The following SDK1 variants were observed in gnomAD, a reference collection of about 807,000 sequenced individuals.
The protein encoded by SDK1 is sidekick cell adhesion molecule 1.
A neutral mutation model predicts 245.5 loss-of-function variants in SDK1; 157 were observed. That is an observed-to-expected ratio of 0.64 (90% CI 0.56 to 0.73). The LOEUF is 0.73. Among genes scored for constraint, SDK1 ranks in the 30% least tolerant of loss-of-function variants. The pLI, the probability that SDK1 is intolerant of heterozygous loss-of-function variation, is 0.00. For synonymous variants in SDK1, 1,647 were observed against 1,278.5 expected (o/e 1.29, Z -6.15); for missense variants, 3,583 against 3,002.3 (o/e 1.19, Z -4.52).
chr7:3,520,280 A>C (rs769894684), intron 1 of SDK1, among the ~76,000 whole-genome samples: 26 of 152,124 alleles, frequency 1.7e-4, no homozygotes, highest in Non-Finnish European at 3.1e-4. Context: ...CTGCTGGATA[A>C]ATTCTGTCCG....
chr7:3,728,389 A>G (rs891423154), intron 4 of SDK1, among the ~76,000 whole-genome samples: 2 of 152,218 alleles, frequency 1.3e-5, no homozygotes, highest in African/African-American at 2.4e-5. Flanking sequence ...TAGCCCAGTT[A>G]TTGAGAATTG....
At position 3,810,068 on chromosome 7, in the gene SDK1, G is replaced by GTGTT. The variant is rs372927200; in HGVS notation, c.714-11380_714-11377dup. ...TTAATTTTTGATGGAATTATTTATTGTGTTTTATTCTCTTGCTATATAAAC... is the reference window on the plus strand; with the variant it reads ...TTAATTTTTGATGGAATTATTTATTGTGTTTGTTTTATTCTCTTGCTATATAAAC... On this transcript the variant is annotated intron_variant, in intron 4 of 44. Coordinates refer to ENST00000404826, the MANE Select transcript of SDK1 (RefSeq NM_152744.4). Among the ~76,000 whole-genome samples, 1,316 of 152,260 alleles carry GTGTT rather than the reference G, an allele frequency of 8.6e-3. 16 individuals are homozygous for GTGTT. The highest frequency in any genetic ancestry group is 0.024 in the African/African-American group (1,017 of 41,532).
chr7:4,256,429 G>C lies in SDK1; in HGVS notation c.6382-8695G>C, dbSNP rs115327743. ...TCCAAGTTTACAGAAACGGAATCCA[G>C]TCCCAGAACTGCAGAAAAGGCTGTT... On this transcript the variant is annotated intron_variant, in intron 44 of 44. Coordinates refer to ENST00000404826, the MANE Select transcript of SDK1 (RefSeq NM_152744.4). 8.6e-3 allele frequency among the ~76,000 whole-genome samples: 1,316 copies of C among 152,316 alleles called. 14 individuals carry two copies. Among genetic ancestry groups the C allele is most frequent in the African/African-American group, 0.031 (1,270 of 41,564 alleles).
intron 4 of SDK1, among the ~76,000 whole-genome samples, chr7:3,646,142 C>A (rs941928625): frequency 1.3e-5 from 2 of 152,174 alleles, no homozygotes; most frequent in Non-Finnish European, 2.9e-5. Flanking sequence ...TAGGCGTGAG[C>A]CACCACACCC....
chr7:4,173,982 A>C (rs1360255952), intron 32 of SDK1, among the ~76,000 whole-genome samples: 1 of 152,206 alleles, frequency 6.6e-6, no homozygotes, highest in African/African-American at 2.4e-5. Flanking sequence ...ACAGGGGTCA[A>C]AATGCTGATG....
intron 4 of SDK1, among the ~76,000 whole-genome samples, chr7:3,801,616 A>T (rs1374907169): frequency 6.6e-6 from 1 of 152,182 alleles, no homozygotes; most frequent in Non-Finnish European, 1.5e-5. Context: ...GGATGGATTG[A>T]TGATGAGTCC....
At position 4,213,543 on chromosome 7, in the gene SDK1, CCACTG is replaced by C. The variant is rs1784617348; in HGVS notation, c.5539+3386_5539+3390del. 1.2e-4 allele frequency among the ~76,000 whole-genome samples: 19 copies of C among 152,122 alleles called. No homozygotes were observed. In the South Asian group the frequency reaches 4.0e-3, roughly 32 times the overall value. On this transcript the variant is annotated intron_variant, in intron 38 of 44. Transcript: ENST00000404826. ...GAGGCTGCAGTGAGCTGAGATCGCA[CCACTG>C]CACTCCAGCCTGGTGACAGAGCGAG...
chr7:4,022,768 CTTTCTTTCTTTT>C (rs1296798884), intron 17 of SDK1, among the ~76,000 whole-genome samples: 1 of 146,594 alleles, frequency 6.8e-6, no homozygotes, highest in Non-Finnish European at 1.5e-5. Context: ...TCTTTTCTTT[CTTTCTTTCTTTT>C]TTTTTTTTTT....
At chr7:3,855,106 G>C (rs1045957255) in intron 5 of SDK1, among the ~76,000 whole-genome samples, 1 of 152,064 alleles carries the variant, frequency 6.6e-6, no homozygotes, top group Admixed American at 6.6e-5. Flanking sequence ...CACTTTTCTA[G>C]TGAGCTGGGA....
intron 1 of SDK1, among the ~76,000 whole-genome samples, chr7:3,603,265 C>A (rs548361176): frequency 6.9e-6 from 1 of 144,696 alleles, no homozygotes; most frequent in East Asian, 2.0e-4. Flanking sequence ...CTGTAAATTA[C>A]CTTGGGCAGT....
intron 35 of SDK1, among the ~76,000 whole-genome samples, chr7:4,180,561 G>T (rs369240436): frequency 3.3e-5 from 5 of 152,242 alleles, no homozygotes; most frequent in African/African-American, 1.2e-4. Flanking sequence ...CCCAGCTCCA[G>T]TTCTAGGGTC....
intron 12 of SDK1, among the ~76,000 whole-genome samples, chr7:3,972,436 G>A (rs1296529245): frequency 6.6e-6 from 1 of 152,298 alleles, no homozygotes; most frequent in East Asian, 1.9e-4. Context: ...GGCCAGGAAA[G>A]TAACTGCAAA....
intron 13 of SDK1, among the ~76,000 whole-genome samples, chr7:3,978,768 C>G (rs1211375898): frequency 6.6e-6 from 1 of 152,132 alleles, no homozygotes; most frequent in East Asian, 1.9e-4. Context: ...AGAGAAAAAT[C>G]TCATATTGCC....
rs1163459734 is a variant in SDK1 at position 3,656,332 on chromosome 7, A to G, written c.713+14227A>G. Among the ~76,000 whole-genome samples, 3 of 152,186 alleles carry G rather than the reference A, an allele frequency of 2.0e-5. No individual in the cohort carries two copies. The East Asian group carries it at 5.8e-4, about 29-fold the overall frequency. ...TAGATAGTTTGTTTCACAGTCAAAT[A>G]TAAGTGACTTTTACTAGCTTTTTTC... On this transcript the variant is annotated intron_variant, in intron 4 of 44. Coordinates refer to ENST00000404826, the MANE Select transcript of SDK1 (RefSeq NM_152744.4).
intron 19 of SDK1, among the ~76,000 whole-genome samples, chr7:4,055,392 A>G (rs1779131268): frequency 6.6e-6 from 1 of 152,122 alleles, no homozygotes; most frequent in African/African-American, 2.4e-5. Context: ...TAGCAGCACC[A>G]CCTTCTTATT....
intron 4 of SDK1, among the ~76,000 whole-genome samples, chr7:3,768,198 C>T (rs1450284852): frequency 6.6e-6 from 1 of 152,168 alleles, no homozygotes; most frequent in Non-Finnish European, 1.5e-5. Context: ...TTTAAAGCAG[C>T]GTTGAATATA....
chr7:3,948,481 C>G (rs1583608149), intron 5 of SDK1, among the ~76,000 whole-genome samples: 2 of 152,088 alleles, frequency 1.3e-5, no homozygotes, highest in East Asian at 3.9e-4. Context: ...CCAGGATGGT[C>G]TCGATCTCCT....
intron 5 of SDK1, among the ~76,000 whole-genome samples, chr7:3,934,713 C>G (rs1034905629): frequency 1.3e-5 from 2 of 152,236 alleles, no homozygotes; most frequent in African/African-American, 4.8e-5. Context: ...TCCAAATGCG[C>G]AAGGCTGAAA....
At chr7:3,429,760 C>A (rs1583844496) in intron 1 of SDK1, among the ~76,000 whole-genome samples, 1 of 143,312 alleles carries the variant, frequency 7.0e-6, no homozygotes, top group Admixed American at 7.0e-5. Context: ...CCATGTCTGG[C>A]TTTTTTTTTT....
Sources: gnomAD v4.1 joint callset for allele counts (sites outside exome capture counted in the v4.1 genomes callset) on GRCh38, gnomAD v4.1.1 for gene constraint, MANE v1.5 for transcripts, NCBI Gene and HGNC (gene_info 2026-07-23, HGNC 2026-07-21) for gene names.